PDGFRL: variants seen among roughly 807,000 people sequenced by gnomAD.
PDGFRL encodes platelet derived growth factor receptor like.
Under a neutral mutation model 37.2 loss-of-function variants are expected in PDGFRL, and 46 were observed. That is an observed-to-expected ratio of 1.24 (90% CI 0.98 to 1.58). The LOEUF (loss-of-function observed/expected upper bound fraction) is 1.58. Among genes scored for constraint, PDGFRL ranks in the 40% most tolerant of loss-of-function variants. The probability of loss-of-function intolerance (pLI) is 0.00; values close to 1 mark genes in which losing one functional copy is unlikely to be tolerated. For synonymous variants in PDGFRL, 251 were observed against 184.3 expected (o/e 1.36, Z -2.93); for missense variants, 692 against 467.6 (o/e 1.48, Z -4.43).
intron 3 of PDGFRL, among the ~76,000 whole-genome samples, chr8:17,627,889 T>C (rs1229931905): frequency 6.6e-6 from 1 of 152,102 alleles, no homozygotes; most frequent in Non-Finnish European, 1.5e-5. Context: ...AAGGTTAATA[T>C]GTTAAATCTT....
intron 1 of PDGFRL, among the ~76,000 whole-genome samples, chr8:17,583,507 A>T (rs755153460): frequency 6.6e-5 from 10 of 152,084 alleles, no homozygotes; most frequent in African/African-American, 9.7e-5. Context: ...GATTTCGGGG[A>T]CTATTGGGAA....
At chr8:17,630,637 C>T (rs899169311) in intron 4 of PDGFRL, among the ~76,000 whole-genome samples, 3 of 152,156 alleles carry the variant, frequency 2.0e-5, no homozygotes, top group African/African-American at 7.2e-5. Context: ...CCGCTCCCCT[C>T]CCCTCCCCTC....
Position 17,628,549 on chromosome 8 carries a change from A to G in PDGFRL, c.568A>G (p.Arg190Gly), listed in dbSNP as rs754513707. 6.2e-7 allele frequency: 1 copy of G among 1,613,968 alleles called. No individual in the cohort carries two copies. Among genetic ancestry groups the G allele is most frequent in the Non-Finnish European group, 8.5e-7 (1 of 1,179,820 alleles). ...CGATGTTGTCTACTTGAACCCGGAC[A>G]GACAGGCTGTGGTTCCTTGTCGGGT... ...YFDVVYLNPD[R>G]QAVVPCRVTV... is the part of the protein sequence containing the mutation. The change falls in exon 4 of 6, where the codon AGA (arginine) becomes GGA (glycine). Residue 190 changes from arginine to glycine, a missense_variant. Coordinates refer to ENST00000251630, the MANE Select transcript of PDGFRL (RefSeq NM_001372073.1).
intron 2 of PDGFRL, among the ~76,000 whole-genome samples, chr8:17,619,417 C>T (rs1250581156): frequency 6.6e-6 from 1 of 152,010 alleles, no homozygotes; most frequent in African/African-American, 2.4e-5. Flanking sequence ...AAGGGGTTTG[C>T]AAATATATTT....
At chr8:17,596,337 C>A (rs546857687) in intron 2 of PDGFRL, 2 of 1,238,018 alleles carry the variant, frequency 1.6e-6, no homozygotes, top group South Asian at 3.9e-5. Context: ...CACGTAACTC[C>A]GTGGGAAGAA....
chr8:17,577,377 G>A, intron 1 of PDGFRL, 70 bp downstream of exon 1: 1 of 1,302,744 alleles, frequency 7.7e-7, no homozygotes, highest in Non-Finnish European at 1.1e-6. Context: ...AGCCCCCGCC[G>A]CCCTCCTGCC....
chr8:17,623,664 C>T (rs1434962413), intron 3 of PDGFRL, among the ~76,000 whole-genome samples: 2 of 152,088 alleles, frequency 1.3e-5, no homozygotes, highest in African/African-American at 2.4e-5. Flanking sequence ...CACCTGAGGT[C>T]AGGAGTTCGA....
chr8:17,620,433 C>G (rs752228540), intron 2 of PDGFRL, among the ~76,000 whole-genome samples: 19 of 152,048 alleles, frequency 1.2e-4, no homozygotes, highest in Admixed American at 3.3e-4. Context: ...GAAAAAGATA[C>G]AGGGTGGCCA....
At position 17,591,068 on chromosome 8, in the gene PDGFRL, G is replaced by A. The variant is rs533329356; in HGVS notation, c.353+1303G>A. Among the ~76,000 whole-genome samples, 14 of 152,082 alleles carry A rather than the reference G, an allele frequency of 9.2e-5. No homozygotes were observed. The South Asian group carries it at 2.7e-3, about 29-fold the overall frequency. Reference sequence around the variant, plus strand: ...TGGCTAATTTTTTGCTTTTTTAGTAGAGACAGAGTTTCACTATGTTAGCCA... The same window carrying A: ...TGGCTAATTTTTTGCTTTTTTAGTAAAGACAGAGTTTCACTATGTTAGCCA... On this transcript the variant is annotated intron_variant, in intron 2 of 5. Coordinates refer to ENST00000251630, the MANE Select transcript of PDGFRL (RefSeq NM_001372073.1).
At chr8:17,612,460 T>C (rs1804439749) in intron 2 of PDGFRL, among the ~76,000 whole-genome samples, 1 of 152,070 alleles carries the variant, frequency 6.6e-6, no homozygotes, top group African/African-American at 2.4e-5. Flanking sequence ...CACCTCTGCC[T>C]CCCGGGTTCA....
At chr8:17,596,799 C>T (rs937637425) in intron 2 of PDGFRL, among the ~76,000 whole-genome samples, 4 of 152,168 alleles carry the variant, frequency 2.6e-5, no homozygotes. Context: ...CTATATCAAC[C>T]ACAGATGTGC....
chr8:17,629,688 C>T (rs1039140651), intron 4 of PDGFRL, among the ~76,000 whole-genome samples: 2 of 152,130 alleles, frequency 1.3e-5, no homozygotes, highest in African/African-American at 4.8e-5. Context: ...ACTTGGTACC[C>T]ACTGGCCAGG....
At chr8:17,625,668 G>C (rs1279976313) in intron 3 of PDGFRL, among the ~76,000 whole-genome samples, 2 of 152,070 alleles carry the variant, frequency 1.3e-5, no homozygotes, top group Admixed American at 6.6e-5. Flanking sequence ...ATGTATTATA[G>C]TATAAGAAGT....
At chr8:17,608,162 A>G (rs1804324281) in intron 2 of PDGFRL, among the ~76,000 whole-genome samples, 2 of 152,062 alleles carry the variant, frequency 1.3e-5, no homozygotes, top group African/African-American at 4.8e-5. Context: ...TGCCTTTGGG[A>G]GTTCATCCTG....
chr8:17,576,586 C>T (rs145456931), upstream of PDGFRL: 15 of 270,532 alleles, frequency 5.5e-5, no homozygotes. Flanking sequence ...CCCTAATTCC[C>T]TGTTCTCCTG....
chr8:17,608,092 C>T (rs1043364674), intron 2 of PDGFRL, among the ~76,000 whole-genome samples: 1 of 152,156 alleles, frequency 6.6e-6, no homozygotes, highest in Non-Finnish European at 1.5e-5. Flanking sequence ...TGTCCTGGGG[C>T]CTCAGGGGCC....
intron 5 of PDGFRL, among the ~76,000 whole-genome samples, chr8:17,637,578 G>A (rs556079630): frequency 2.6e-5 from 4 of 152,258 alleles, no homozygotes; most frequent in Non-Finnish European, 5.9e-5. Context: ...GGTGATACTG[G>A]CTTCACAGAA....
chr8:17,629,069 C>A (rs1472384979), intron 4 of PDGFRL, among the ~76,000 whole-genome samples: 1 of 150,884 alleles, frequency 6.6e-6, no homozygotes, highest in Admixed American at 6.6e-5. Flanking sequence ...AGGTATGAGC[C>A]ACCATGCCCT....
chr8:17,631,917 A>G (rs1253229221), intron 4 of PDGFRL, among the ~76,000 whole-genome samples: 1 of 152,126 alleles, frequency 6.6e-6, no homozygotes, highest in African/African-American at 2.4e-5. Flanking sequence ...CCAGCTTCAC[A>G]TCTGTACACT....
Sources: allele counts gnomAD v4.1 joint callset (sites outside exome capture counted in the v4.1 genomes callset), GRCh38; gene constraint gnomAD v4.1.1; transcripts MANE v1.5; gene names NCBI Gene and HGNC (gene_info 2026-07-23, HGNC 2026-07-21).